CHN2: variants seen among roughly 807,000 people sequenced by gnomAD.
CHN2 encodes the protein beta-chimaerin.
Under a neutral mutation model 56.3 loss-of-function variants are expected in CHN2, and 35 were observed. That is an observed-to-expected ratio of 0.62 (90% confidence interval 0.47 to 0.82). CHN2 has a LOEUF of 0.82. Among genes scored for constraint, CHN2 ranks in the 40% least tolerant of loss-of-function variants. The pLI is 0.00. For synonymous variants in CHN2, 210 were observed against 212.8 expected (o/e 0.99, Z 0.12); for missense variants, 491 against 580.5 (o/e 0.85, Z 1.58).
intron 3 of CHN2, among the ~76,000 whole-genome samples, chr7:29,389,891 C>T (rs777760878): frequency 2.6e-5 from 4 of 151,400 alleles, no homozygotes; most frequent in Non-Finnish European, 5.9e-5. Flanking sequence ...CCCGTCTCTA[C>T]TAAAATACAA....
intron 1 of CHN2, among the ~76,000 whole-genome samples, chr7:29,208,627 C>G (rs1456610517): frequency 6.6e-6 from 1 of 152,184 alleles, no homozygotes; most frequent in East Asian, 1.9e-4. Flanking sequence ...TAAGCCATCT[C>G]TAACAAAAGA....
rs138669403 is a variant in CHN2 at position 29,172,005 on chromosome 7, A to G, written c.274+25045A>G. ...CACAATGCAGGGTGCAGTGGGTGGT[A>G]CACAGGAGAAAAAACTCATGGAATG... is the stretch of plus-strand genomic sequence containing the variant. On this transcript the variant is annotated intron_variant, in intron 2 of 6. Coordinates refer to the CHN2 transcript ENST00000439384. Among the ~76,000 whole-genome samples the G allele has an allele frequency of 1.4e-4, 22 of 152,332 alleles. No individual in the cohort carries two copies. The East Asian group carries it at 4.1e-3, about 28-fold the overall frequency.
At chr7:29,483,043 G>T (rs1229342652) in intron 7 of CHN2, among the ~76,000 whole-genome samples, 5 of 151,618 alleles carry the variant, frequency 3.3e-5, no homozygotes, top group Admixed American at 3.3e-4. Context: ...AGATGGTCTC[G>T]ATCTCCTGAC....
chr7:29,362,819 AC>A (rs1226507597), intron 2 of CHN2, among the ~76,000 whole-genome samples: 2 of 152,022 alleles, frequency 1.3e-5, no homozygotes, highest in African/African-American at 4.8e-5. Flanking sequence ...TACTTGGCCC[AC>A]CTTGGTTTTG....
chr7:29,497,179 C>T (rs1789393676), intron 8 of CHN2, among the ~76,000 whole-genome samples: 1 of 152,214 alleles, frequency 6.6e-6, no homozygotes, highest in Non-Finnish European at 1.5e-5. Flanking sequence ...TCAGAAGCAG[C>T]TTCTCCATAA....
chr7:29,468,197 T>A (rs960647912), intron 6 of CHN2, among the ~76,000 whole-genome samples: 1 of 130,400 alleles, frequency 7.7e-6, no homozygotes, highest in Non-Finnish European at 1.5e-5. Flanking sequence ...AGATTGATGA[T>A]GCCATACTTC....
At chr7:29,192,279 A>C (rs1263299185), upstream of CHN2, 1 of 152,198 alleles carries the variant, frequency 6.6e-6, no homozygotes, top group African/African-American at 2.4e-5. Context: ...GTGCCTTCAC[A>C]GCAAATACCC....
At chr7:29,249,115 C>G (rs530487990) in intron 1 of CHN2, among the ~76,000 whole-genome samples, 16 of 152,114 alleles carry the variant, frequency 1.1e-4, no homozygotes, top group Admixed American at 9.2e-4. Context: ...GGGATTGGCT[C>G]TTGTGGTTAT....
At chr7:29,186,895 G>T (rs1483554161) in intron 2 of CHN2, among the ~76,000 whole-genome samples, 1 of 152,038 alleles carries the variant, frequency 6.6e-6, no homozygotes, top group Non-Finnish European at 1.5e-5. Flanking sequence ...AAAAAGAGCA[G>T]GGATGATAAT....
At chr7:29,280,894 C>T (rs1294428745) in intron 1 of CHN2, among the ~76,000 whole-genome samples, 5 of 152,052 alleles carry the variant, frequency 3.3e-5, no homozygotes, top group African/African-American at 1.2e-4. Context: ...GTCAGGAGTT[C>T]AAGACCAGGC....
At chr7:29,165,183 G>A (rs1190940410) in intron 2 of CHN2, among the ~76,000 whole-genome samples, 1 of 152,004 alleles carries the variant, frequency 6.6e-6, no homozygotes, top group Non-Finnish European at 1.5e-5. Context: ...TGATTTATGG[G>A]CATGTATATC....
intron 6 of CHN2, among the ~76,000 whole-genome samples, chr7:29,472,695 C>T (rs1024895039): frequency 1.3e-5 from 2 of 151,744 alleles, no homozygotes; most frequent in Non-Finnish European, 2.9e-5. Context: ...TTTTTTCCTG[C>T]AACAGAACTG....
At chr7:29,338,344 G>A (rs1446219256) in intron 1 of CHN2, among the ~76,000 whole-genome samples, 1 of 152,188 alleles carries the variant, frequency 6.6e-6, no homozygotes, top group Non-Finnish European at 1.5e-5. Flanking sequence ...GAAATGAAGT[G>A]TGATAATATA....
At chr7:29,266,309 G>A (rs924020879) in intron 1 of CHN2, among the ~76,000 whole-genome samples, 17 of 152,144 alleles carry the variant, frequency 1.1e-4, no homozygotes, top group African/African-American at 4.1e-4. Flanking sequence ...CGTCAACACC[G>A]ACAAAGGGTC....
At chr7:29,267,827 G>T (rs2128841812) in intron 1 of CHN2, among the ~76,000 whole-genome samples, 1 of 152,256 alleles carries the variant, frequency 6.6e-6, no homozygotes, top group Middle Eastern at 3.4e-3. Context: ...CATGAGCTAG[G>T]ATCATTCAAG....
At chr7:29,168,016 C>A in intron 2 of CHN2, among the ~76,000 whole-genome samples, 1 of 152,150 alleles carries the variant, frequency 6.6e-6, no homozygotes, top group Non-Finnish European at 1.5e-5. Flanking sequence ...TCCCAGATGA[C>A]CTAAACTGGA....
chr7:29,381,004 CA>C (rs1242493561), intron 3 of CHN2, among the ~76,000 whole-genome samples: 1 of 152,068 alleles, frequency 6.6e-6, no homozygotes, highest in Non-Finnish European at 1.5e-5. Flanking sequence ...TTCTCATTTG[CA>C]CTGAAGACCA....
At chr7:29,445,312 C>T (rs1481994816) in intron 6 of CHN2, among the ~76,000 whole-genome samples, 1 of 152,186 alleles carries the variant, frequency 6.6e-6, no homozygotes, top group Non-Finnish European at 1.5e-5. Flanking sequence ...ACTCATGTCT[C>T]CTGTTAATGG....
chr7:29,213,586 T>C (rs1293973572), intron 1 of CHN2, among the ~76,000 whole-genome samples: 1 of 152,220 alleles, frequency 6.6e-6, no homozygotes, highest in African/African-American at 2.4e-5. Flanking sequence ...GATGAAGGCA[T>C]ATTCCTATTT....
Sources: allele counts gnomAD v4.1 joint callset (sites outside exome capture counted in the v4.1 genomes callset), GRCh38; gene constraint gnomAD v4.1.1; transcripts MANE v1.5; gene names NCBI Gene and HGNC (gene_info 2026-07-23, HGNC 2026-07-21).